The following DACH1 variants were observed in gnomAD, a reference collection of about 807,000 sequenced individuals.
DACH1 encodes dachshund homolog 1.
A neutral mutation model predicts 54.2 loss-of-function variants in DACH1; 12 were observed. The observed-to-expected ratio is 0.22, with a 90% CI of 0.14 to 0.36. The LOEUF is 0.36. DACH1 is among the 10% of genes least tolerant of loss of function. The probability of loss-of-function intolerance (pLI) is 1.00; values close to 1 mark genes in which losing one functional copy is unlikely to be tolerated. For missense variants in DACH1, 805 were observed against 929.8 expected (o/e 0.87, Z 1.75); for synonymous variants, 386 against 366.2 (o/e 1.05, Z -0.62).
intron 1 of DACH1, among the ~76,000 whole-genome samples, chr13:71,706,243 CAT>C (rs1383031428): frequency 7.9e-5 from 12 of 151,462 alleles, no homozygotes; most frequent in African/African-American, 2.9e-4. Context: ...GGGATAAAAA[CAT>C]ATTATTAATT....
chr13:71,632,559 C>G (rs1055803996), intron 2 of DACH1, among the ~76,000 whole-genome samples: 3 of 152,044 alleles, frequency 2.0e-5, no homozygotes, highest in African/African-American at 7.2e-5. Context: ...TTTTCCTCCC[C>G]ACTAATCATC....
intron 2 of DACH1, among the ~76,000 whole-genome samples, chr13:71,668,081 T>C (rs1199084151): frequency 6.6e-6 from 1 of 152,002 alleles, no homozygotes; most frequent in Non-Finnish European, 1.5e-5. Context: ...ATTTAGAAAA[T>C]AGATGTTTTA....
chr13:71,848,187 A>G (rs1873410659), intron 1 of DACH1, among the ~76,000 whole-genome samples: 1 of 148,080 alleles, frequency 6.8e-6, no homozygotes, highest in African/African-American at 2.6e-5. Flanking sequence ...GACAGTTACC[A>G]TAGATACTGA....
At chr13:71,698,084 A>G (rs1020278848) in intron 1 of DACH1, among the ~76,000 whole-genome samples, 2 of 152,270 alleles carry the variant, frequency 1.3e-5, no homozygotes, top group Non-Finnish European at 2.9e-5. Context: ...TATGTAAAAG[A>G]CGGATAATTA....
chr13:71,688,085 C>T (rs74097000), intron 1 of DACH1, among the ~76,000 whole-genome samples: 2 of 152,140 alleles, frequency 1.3e-5, no homozygotes, highest in East Asian at 1.9e-4. Flanking sequence ...CATTTGAGTT[C>T]TAAAATATCT....
At chr13:71,702,667 A>C (rs756657192) in intron 1 of DACH1, among the ~76,000 whole-genome samples, 3 of 152,156 alleles carry the variant, frequency 2.0e-5, no homozygotes, top group Non-Finnish European at 4.4e-5. Context: ...AACACATGAT[A>C]ATAATTATCT....
At chr13:71,590,721 T>G (rs1873640149) in intron 3 of DACH1, among the ~76,000 whole-genome samples, 1 of 152,098 alleles carries the variant, frequency 6.6e-6, no homozygotes, top group East Asian at 1.9e-4. Flanking sequence ...GGATATTATC[T>G]AACAATAATT....
At chr13:71,752,052 A>G (rs750289518) in intron 1 of DACH1, among the ~76,000 whole-genome samples, 1 of 152,172 alleles carries the variant, frequency 6.6e-6, no homozygotes, top group African/African-American at 2.4e-5. Flanking sequence ...CTAATGAAAG[A>G]ATAGAAAAGT....
chr13:71,749,056 C>T (rs1171267656), intron 1 of DACH1, among the ~76,000 whole-genome samples: 1 of 151,630 alleles, frequency 6.6e-6, no homozygotes, highest in African/African-American at 2.4e-5. Flanking sequence ...ATGATCTCAG[C>T]TCACTGCCAC....
chr13:71,714,018 G>A (rs1016584619), intron 1 of DACH1, among the ~76,000 whole-genome samples: 4 of 151,944 alleles, frequency 2.6e-5, no homozygotes, highest in Non-Finnish European at 4.4e-5. Context: ...CTCTCAAAAT[G>A]TCTCTACAGA....
intron 1 of DACH1, among the ~76,000 whole-genome samples, chr13:71,774,540 T>G (rs1264262312): frequency 1.3e-5 from 2 of 152,270 alleles, no homozygotes; most frequent in East Asian, 3.9e-4. Context: ...GCATATTATA[T>G]GGTAGAAACC....
intron 6 of DACH1, among the ~76,000 whole-genome samples, chr13:71,493,962 T>C (rs1484569639): frequency 2.6e-5 from 4 of 152,170 alleles, no homozygotes; most frequent in Non-Finnish European, 4.4e-5. Context: ...TTTATAAGAT[T>C]CTTAAATTAT....
intron 10 of DACH1, among the ~76,000 whole-genome samples, chr13:71,458,036 T>G (rs980329737): frequency 2.0e-5 from 3 of 151,944 alleles, no homozygotes; most frequent in Admixed American, 2.0e-4. Flanking sequence ...GACTTACCCC[T>G]TATATTTCTT....
chr13:71,542,964 A>C (rs1356148777), intron 6 of DACH1, among the ~76,000 whole-genome samples: 3 of 152,186 alleles, frequency 2.0e-5, no homozygotes, highest in Non-Finnish European at 4.4e-5. Flanking sequence ...TAGTCTAACA[A>C]AGATCACAGC....
intron 1 of DACH1, among the ~76,000 whole-genome samples, chr13:71,804,844 G>GTT (rs1887432202): frequency 6.6e-6 from 1 of 152,040 alleles, no homozygotes; most frequent in Non-Finnish European, 1.5e-5. Context: ...ATCCTGACTT[G>GTT]TATTATTAAT....
intron 1 of DACH1, among the ~76,000 whole-genome samples, chr13:71,758,515 C>T (rs930275748): frequency 3.9e-5 from 6 of 152,170 alleles, no homozygotes; most frequent in Non-Finnish European, 5.9e-5. Flanking sequence ...AAATGCAGTG[C>T]GACAGCTAGC....
chr13:71,676,239 A>G (rs967477444), intron 2 of DACH1, among the ~76,000 whole-genome samples: 1 of 151,666 alleles, frequency 6.6e-6, no homozygotes, highest in African/African-American at 2.4e-5. Context: ...TTTTGTTGAG[A>G]TGGAGTGTTG....
At chr13:71,573,655 A>G (rs1885361515) in intron 3 of DACH1, 1 of 438,514 alleles carries the variant, frequency 2.3e-6, no homozygotes, top group East Asian at 3.5e-5. Context: ...GTTTTTTAAA[A>G]AATGTATCAC....
chr13:71,803,060 A>G (rs554334517), intron 1 of DACH1, among the ~76,000 whole-genome samples: 1 of 152,304 alleles, frequency 6.6e-6, no homozygotes, highest in Non-Finnish European at 1.5e-5. Flanking sequence ...TTCAAAGTGT[A>G]TGAACATATT....
Sources: gnomAD v4.1 joint callset for allele counts (sites outside exome capture counted in the v4.1 genomes callset) on GRCh38, gnomAD v4.1.1 for gene constraint, MANE v1.5 for transcripts, NCBI Gene and HGNC (gene_info 2026-07-23, HGNC 2026-07-21) for gene names.